EPB41L3: variants seen among roughly 807,000 people sequenced by gnomAD.
EPB41L3 encodes band 4.1-like protein 3.
EPB41L3 carries 57 observed loss-of-function variants against 127.1 expected under a neutral mutation model. The observed-to-expected ratio is 0.45, with a 90% CI of 0.36 to 0.56. The LOEUF (loss-of-function observed/expected upper bound fraction) is 0.56, where lower values mean the gene tolerates loss of function less well. Ranked by LOEUF, EPB41L3 falls within the 20% of genes least tolerant of loss-of-function variation. The pLI, the probability that EPB41L3 is intolerant of heterozygous loss-of-function variation, is 0.00. For synonymous variants in EPB41L3, 572 were observed against 549.5 expected (o/e 1.04, Z -0.57); for missense variants, 1,273 against 1,372.2 (o/e 0.93, Z 1.14).
At chr18:5,519,364 C>T (rs556003327) in intron 1 of EPB41L3, among the ~76,000 whole-genome samples, 1 of 152,328 alleles carries the variant, frequency 6.6e-6, no homozygotes, top group Admixed American at 6.5e-5. Context: ...CTCTACACAT[C>T]TTGGACCTCA....
chr18:5,600,077 A>C lies in EPB41L3; in HGVS notation c.-306+12263T>G, dbSNP rs114469979. ...TCTGAATCTTAAGGCTGGATTCAAT[A>C]TAAAAACTTTCAAAATGTAGTTAGA... On this transcript the variant is annotated intron_variant, in intron 3 of 21. Transcript: ENST00000545076. Among the ~76,000 whole-genome samples the C allele has an allele frequency of 9.9e-3, 1,513 of 152,332 alleles. 18 individuals are homozygous for C. The highest frequency in any genetic ancestry group is 0.034 in the African/African-American group (1,433 of 41,574).
intron 3 of EPB41L3, among the ~76,000 whole-genome samples, chr18:5,576,740 G>A (rs952178978): frequency 6.6e-6 from 1 of 152,156 alleles, no homozygotes; most frequent in Non-Finnish European, 1.5e-5. Flanking sequence ...ATGAAGTTGC[G>A]TGGCCAGTTG....
intron 21 of EPB41L3, 69 bp downstream of exon 21, chr18:5,394,998 T>C: frequency 1.4e-6 from 2 of 1,479,478 alleles, no homozygotes; most frequent in Non-Finnish European, 1.9e-6. Context: ...GGAATAGCAT[T>C]GAAACTGTAG....
At chr18:5,423,677 TTAAA>T (rs1301950152) in intron 10 of EPB41L3, 124 bp from the exon 11 acceptor site, 9 of 858,964 alleles carry the variant, frequency 1.0e-5, no homozygotes, top group Admixed American at 3.0e-5. Context: ...CAACTTGCAG[TTAAA>T]TAAATCTGAT....
intron 1 of EPB41L3, among the ~76,000 whole-genome samples, chr18:5,535,091 A>G (rs982628679): frequency 2.6e-5 from 4 of 152,140 alleles, no homozygotes; most frequent in African/African-American, 9.7e-5. Flanking sequence ...TGAGAATGTG[A>G]GAATGTGAAC....
chr18:5,526,660 A>C (rs1305794546), intron 1 of EPB41L3, among the ~76,000 whole-genome samples: 3 of 152,202 alleles, frequency 2.0e-5, no homozygotes, highest in Non-Finnish European at 4.4e-5. Flanking sequence ...AGAAAAATTC[A>C]ATTTTCAATT....
intron 3 of EPB41L3, among the ~76,000 whole-genome samples, chr18:5,470,984 C>A (rs2086037942): frequency 6.6e-6 from 1 of 152,148 alleles, no homozygotes; most frequent in Non-Finnish European, 1.5e-5. Flanking sequence ...GCTTCCTTTT[C>A]TCCCTGAGGT....
At chr18:5,594,649 A>C (rs1785408) in intron 3 of EPB41L3, among the ~76,000 whole-genome samples, 8 of 151,952 alleles carry the variant, frequency 5.3e-5, no homozygotes, top group African/African-American at 1.7e-4. Context: ...ACCTTTTAGA[A>C]GGCAGACTAA....
chr18:5,464,101 C>T (rs2147213239), intron 3 of EPB41L3, among the ~76,000 whole-genome samples: 1 of 152,256 alleles, frequency 6.6e-6, no homozygotes, highest in East Asian at 1.9e-4. Context: ...TCTCACATCT[C>T]TTCATCTGCC....
intron 3 of EPB41L3, among the ~76,000 whole-genome samples, chr18:5,571,381 A>C (rs2094278637): frequency 6.6e-6 from 1 of 152,224 alleles, no homozygotes. Flanking sequence ...CATCATCTTT[A>C]GAGTTTATTT....
chr18:5,408,854 G>A (rs1026781120), intron 14 of EPB41L3, among the ~76,000 whole-genome samples: 2 of 152,212 alleles, frequency 1.3e-5, no homozygotes, highest in African/African-American at 2.4e-5. Context: ...CAAGCCACAT[G>A]TGCATGTAGC....
Position 5,438,027 on chromosome 18 carries a change from T to G in EPB41L3, c.605+8A>C, listed in dbSNP as rs1158355594. The G allele has an allele frequency of 4.3e-6, 7 of 1,613,130 alleles. No homozygotes were observed. Among genetic ancestry groups the G allele is most frequent in the Non-Finnish European group, 5.9e-6 (7 of 1,179,546 alleles). The stretch of plus-strand genomic sequence containing the variant: ...TGCTTGTCTTTTGCATAGCCAACTT[T>G]CAAATACCTGGTGATATCTTCAGAT... On this transcript the variant is annotated splice_region_variant and intron_variant, in intron 6 of 22. Coordinates refer to ENST00000341928, the MANE Select transcript of EPB41L3 (RefSeq NM_012307.5).
chr18:5,575,352 T>A (rs114974564), intron 3 of EPB41L3, among the ~76,000 whole-genome samples: 13 of 152,242 alleles, frequency 8.5e-5, no homozygotes, highest in African/African-American at 2.9e-4. Flanking sequence ...GGTGGATCCC[T>A]CATGAATGGC....
chr18:5,610,572 A>G (rs1357745228), intron 3 of EPB41L3, among the ~76,000 whole-genome samples: 1 of 152,196 alleles, frequency 6.6e-6, no homozygotes, highest in Non-Finnish European at 1.5e-5. Flanking sequence ...CTGGACTAGA[A>G]TGGGGATGGG....
At chr18:5,588,953 TA>T (rs34005920) in intron 3 of EPB41L3, among the ~76,000 whole-genome samples, 13 of 149,780 alleles carry the variant, frequency 8.7e-5, no homozygotes, top group South Asian at 2.1e-4. Context: ...CTCAGTTCAA[TA>T]AAAAAAAAAT....
intron 6 of EPB41L3, among the ~76,000 whole-genome samples, chr18:5,437,627 C>T (rs1207282623): frequency 6.6e-6 from 1 of 152,108 alleles, no homozygotes; most frequent in Non-Finnish European, 1.5e-5. Flanking sequence ...AAATTAAACA[C>T]TTAAATTTAT....
intron 3 of EPB41L3, among the ~76,000 whole-genome samples, chr18:5,563,438 ATAATAT>A (rs1442195094): frequency 6.6e-6 from 1 of 152,214 alleles, no homozygotes; most frequent in Non-Finnish European, 1.5e-5. Context: ...GCAAGAAATA[ATAATAT>A]TAATAGTAAC....
At position 5,483,946 on chromosome 18, in the gene EPB41L3, A is replaced by T. The variant is rs981503178; in HGVS notation, c.183+5055T>A. 2.6e-5 allele frequency among the ~76,000 whole-genome samples: 4 copies of T among 151,564 alleles called. No homozygotes were observed. The South Asian group carries it at 8.3e-4, about 32-fold the overall frequency. On this transcript the variant is annotated intron_variant, in intron 2 of 22. Coordinates refer to ENST00000341928, the MANE Select transcript of EPB41L3 (RefSeq NM_012307.5). ...ATCAACAAAGAAACAGTGGAGTTAA[A>T]CTACACACTAGATCTAACAGGCCTA...
intron 1 of EPB41L3, chr18:5,539,489 T>C (rs1411036381): frequency 6.6e-6 from 1 of 152,206 alleles, no homozygotes; most frequent in African/African-American, 2.4e-5. Context: ...AGTTCTGGCA[T>C]CTAATTTCAA....
Sources: allele counts gnomAD v4.1 joint callset (sites outside exome capture counted in the v4.1 genomes callset), GRCh38; gene constraint gnomAD v4.1.1; transcripts MANE v1.5; gene names NCBI Gene and HGNC (gene_info 2026-07-23, HGNC 2026-07-21).